CUX1: variants seen among roughly 807,000 people sequenced by gnomAD.
The protein encoded by CUX1 is cut like homeobox 1.
Under a neutral mutation model 158.8 loss-of-function variants are expected in CUX1, and 31 were observed. That is an observed-to-expected ratio of 0.20 (90% CI 0.15 to 0.26). The LOEUF is 0.26. Among genes scored for constraint, CUX1 ranks in the 10% least tolerant of loss-of-function variants. CUX1 has a pLI of 1.00. For synonymous variants in CUX1, 879 were observed against 862.1 expected, an observed-to-expected ratio of 1.02 and a Z score of -0.34; for missense variants, 1,589 against 2,014.6, an observed-to-expected ratio of 0.79 and a Z score of 4.04.
At chr7:101,927,769 G>T (rs1306626591) in intron 2 of CUX1, among the ~76,000 whole-genome samples, 1 of 152,202 alleles carries the variant, frequency 6.6e-6, no homozygotes, top group Non-Finnish European at 1.5e-5. Context: ...TAATTCTTCG[G>T]TAATTAATTC....
chr7:101,924,513 T>A (rs1184574487), intron 2 of CUX1, among the ~76,000 whole-genome samples: 3 of 151,932 alleles, frequency 2.0e-5, no homozygotes, highest in African/African-American at 7.2e-5. Context: ...CATCTTGGCA[T>A]TGACGTGAGG....
intron 1 of CUX1, among the ~76,000 whole-genome samples, chr7:101,846,006 T>TAA (rs796757768): frequency 7.1e-6 from 1 of 140,048 alleles, no homozygotes. Context: ...AGACTCCATC[T>TAA]AAAAAAAAAA....
intron 8 of CUX1, among the ~76,000 whole-genome samples, chr7:102,137,222 T>C (rs1420184882): frequency 1.8e-4 from 27 of 152,346 alleles, no homozygotes; most frequent in African/African-American, 6.3e-4. Flanking sequence ...CCTCTGTAAA[T>C]TGAACTGTGA....
At chr7:102,200,244 C>A in intron 17 of CUX1, 72 bp downstream of exon 17, 1 of 1,229,318 alleles carries the variant, frequency 8.1e-7, no homozygotes, top group Non-Finnish European at 1.1e-6. Flanking sequence ...CTCTGGTCAG[C>A]AGTAATTAAC....
chr7:102,036,781 G>A (rs1191910696), intron 3 of CUX1, among the ~76,000 whole-genome samples: 2 of 151,008 alleles, frequency 1.3e-5, no homozygotes, highest in Middle Eastern at 3.4e-3. Flanking sequence ...AAAAAACACC[G>A]GAATCTGGCC....
chr7:102,191,676 C>G (rs1307774639), intron 12 of CUX1, among the ~76,000 whole-genome samples: 1 of 152,170 alleles, frequency 6.6e-6, no homozygotes, highest in Non-Finnish European at 1.5e-5. Flanking sequence ...CAGCCTCACC[C>G]TGGGAGTTAG....
At chr7:101,986,759 C>A (rs1053641242) in intron 2 of CUX1, among the ~76,000 whole-genome samples, 13 of 152,196 alleles carry the variant, frequency 8.5e-5, no homozygotes, top group Non-Finnish European at 1.5e-4. Flanking sequence ...CATAAGGAGA[C>A]CAGGGCCCAA....
chr7:101,816,851 C>T (rs1321091886), upstream of CUX1: 3 of 943,504 alleles, frequency 3.2e-6, no homozygotes, highest in African/African-American at 5.4e-5. Context: ...GCCCCGGCCG[C>T]CGCCCCCGGC....
At chr7:102,136,283 T>G (rs782211700) in intron 8 of CUX1, among the ~76,000 whole-genome samples, 4 of 152,202 alleles carry the variant, frequency 2.6e-5, no homozygotes, top group Admixed American at 6.5e-5. Context: ...ATTTCAGTAT[T>G]TGTATAGCCA....
intron 2 of CUX1, among the ~76,000 whole-genome samples, chr7:101,958,569 C>T (rs1404224918): frequency 2.7e-5 from 4 of 150,934 alleles, no homozygotes; most frequent in Non-Finnish European, 5.9e-5. Context: ...CACCCTCCAC[C>T]TCCCAGGTTC....
chr7:102,116,333 T>C (rs1347996454), intron 8 of CUX1, among the ~76,000 whole-genome samples: 10 of 152,148 alleles, frequency 6.6e-5, no homozygotes, highest in African/African-American at 2.4e-4. Context: ...GTGGTCAGAA[T>C]GGATTCTGAT....
intron 18 of CUX1, among the ~76,000 whole-genome samples, chr7:102,279,218 G>A (rs534378699): frequency 6.6e-6 from 1 of 152,128 alleles, no homozygotes; most frequent in South Asian, 2.1e-4. Flanking sequence ...TCATGCACCT[G>A]TAATCCCAGC....
intron 2 of CUX1, among the ~76,000 whole-genome samples, chr7:101,940,393 C>T (rs557545692): frequency 3.3e-5 from 5 of 152,106 alleles, no homozygotes; most frequent in African/African-American, 1.2e-4. Context: ...GCTGGGGGTG[C>T]CTGTGATGGA....
intron 13 of CUX1, among the ~76,000 whole-genome samples, chr7:102,194,859 C>A (rs1794625932): frequency 6.6e-6 from 1 of 151,316 alleles, no homozygotes; most frequent in African/African-American, 2.4e-5. Context: ...CCTATCTCTG[C>A]CAAAAATATA....
chr7:102,026,459 A>T (rs1205635516), intron 2 of CUX1, among the ~76,000 whole-genome samples: 1 of 152,162 alleles, frequency 6.6e-6, no homozygotes, highest in Non-Finnish European at 1.5e-5. Context: ...CTGATAAAAT[A>T]ATTTGCAGAG....
intron 3 of CUX1, among the ~76,000 whole-genome samples, chr7:102,060,188 G>A (rs1261882476): frequency 1.3e-5 from 2 of 151,974 alleles, no homozygotes; most frequent in Non-Finnish European, 2.9e-5. Flanking sequence ...TCAGGCGGGA[G>A]AATGGTGTGA....
intron 1 of CUX1, among the ~76,000 whole-genome samples, chr7:101,897,573 T>C (rs538345238): frequency 1.3e-5 from 2 of 152,114 alleles, no homozygotes; most frequent in African/African-American, 2.4e-5. Flanking sequence ...TTAGAAGATA[T>C]CTAACAACAC....
At chr7:101,907,054 A>T (rs1802839269) in intron 1 of CUX1, among the ~76,000 whole-genome samples, 1 of 152,218 alleles carries the variant, frequency 6.6e-6, no homozygotes, top group African/African-American at 2.4e-5. Context: ...GTAGTGAATC[A>T]AAGCCTGTCA....
intron 20 of CUX1, among the ~76,000 whole-genome samples, chr7:102,224,429 AC>A (rs1322548493): frequency 6.6e-6 from 1 of 151,976 alleles, no homozygotes; most frequent in Non-Finnish European, 1.5e-5. Context: ...CTGGTCTCAA[AC>A]TCCTGTCTTC....
Sources: allele counts gnomAD v4.1 joint callset (sites outside exome capture counted in the v4.1 genomes callset), GRCh38; gene constraint gnomAD v4.1.1; transcripts MANE v1.5; gene names NCBI Gene and HGNC (gene_info 2026-07-23, HGNC 2026-07-21).